Variants in CHD5 observed in about 807,000 individuals in gnomAD.
CHD5 encodes the protein ATP-dependent chromatin remodeler CHD5.
In CHD5, 69 loss-of-function variants were observed where a neutral mutation model predicts 230.3. The ratio of observed to expected loss-of-function variants is 0.30; its 90% CI spans 0.25 to 0.37. The LOEUF (loss-of-function observed/expected upper bound fraction) is 0.37. Among genes scored for constraint, CHD5 ranks in the 10% least tolerant of loss-of-function variants. CHD5 has a pLI of 1.00. For missense variants in CHD5, 1,827 were observed against 2,622.8 expected (o/e 0.70, Z 6.63); for synonymous variants, 1,064 against 1,065.9 (o/e 1.00, Z 0.03).
Position 6,118,356 on chromosome 1 carries a change from G to A in CHD5, c.4912+2749C>T, listed in dbSNP as rs187240040. 1.4e-3 allele frequency among the ~76,000 whole-genome samples: 211 copies of A among 147,552 alleles called. 1 individual carries two copies. The highest frequency in any genetic ancestry group is 2.8e-3 in the Non-Finnish European group (186 of 67,280). On this transcript the variant is annotated intron_variant, in intron 33 of 41. Transcript: ENST00000262450. ...ATCATGCCACTGCACTCCAGCCTGG[G>A]TGATAGAGCAAGACCCTGTCTCAAA... is the stretch of plus-strand genomic sequence containing the variant.
chr1:6,124,009 G>A lies in CHD5; in HGVS notation c.4638C>T (p.Asp1546=). 1 of 1,612,294 alleles carries A rather than the reference G, an allele frequency of 6.2e-7. No homozygotes were observed. The highest frequency in any genetic ancestry group is 8.5e-7 in the Non-Finnish European group (1 of 1,179,560). The change falls in exon 31 of 42, where the codon GAC becomes GAT. Residue 1546 remains aspartate (D), a synonymous_variant. Coordinates refer to ENST00000262450, the MANE Select transcript of CHD5 (RefSeq NM_015557.3). ...GKKSGEVISS[D]PNTPVPASPA... ...GGCTGGCGGGCACTGGTGTGTTGGG[G>A]TCCGAGGAGATCACCTCGCCCGACT...
intron 35 of CHD5, 43 bp from the exon 36 acceptor site, chr1:6,111,926 C>T: frequency 6.4e-7 from 1 of 1,566,258 alleles, no homozygotes; most frequent in Non-Finnish European, 8.8e-7. Context: ...AGTGCCCCAG[C>T]TCTCACGCAC....
At chr1:6,109,332 G>A (rs2100830403) in intron 38 of CHD5, among the ~76,000 whole-genome samples, 1 of 152,314 alleles carries the variant, frequency 6.6e-6, no homozygotes, top group South Asian at 2.1e-4. Context: ...CCCGAGGGCA[G>A]AAGTGTGCCC....
At position 6,146,371 on chromosome 1, in the gene CHD5, A is replaced by T; in HGVS notation, c.1643T>A (p.Met548Lys). 1 of 1,614,070 alleles carries T rather than the reference A, an allele frequency of 6.2e-7. No homozygotes were observed. The highest frequency in any genetic ancestry group is 8.5e-7 in the Non-Finnish European group (1 of 1,180,008). The stretch of plus-strand genomic sequence containing the variant: ...GTAGTCAAAGGGGGGCGGCTCATCC[A>T]TGTCGTTCTTTCTTTGGTAGTTGCG... ...MYRNYQRKND[M>K]DEPPPFDYGS... Residue 548 changes from methionine to lysine, a missense_variant, in exon 11 of 42, where the codon ATG (methionine) becomes AAG (lysine). Physicochemically the swap from Met to Lys is moderately conservative, Grantham distance 95. Transcript: ENST00000262450. This position sits in a 1 kb window ranked among gnomAD's most constrained non-coding sequence, Gnocchi z 5.1.
intron 1 of CHD5, among the ~76,000 whole-genome samples, chr1:6,170,824 G>A (rs1278735924): frequency 2.0e-5 from 3 of 152,224 alleles, no homozygotes; most frequent in African/African-American, 4.8e-5. Flanking sequence ...TCGTCCTGCA[G>A]AGCAGGTGTC....
chr1:6,146,910 G>T lies in CHD5; in HGVS notation c.1384-39C>A, dbSNP rs1165990315. On this transcript the variant is annotated intron_variant, in intron 9 of 41. Coordinates refer to ENST00000262450, the MANE Select transcript of CHD5 (RefSeq NM_015557.3). The surrounding 1 kb of genome is among the most constrained non-coding windows in gnomAD (Gnocchi z 5.1). ...AGGGTCCCCAAGGTGGGGCTCAGCT[G>T]CAGGGCCCCACCCTGAGGCTCCCAT... 2 of 1,427,102 alleles carry T rather than the reference G, an allele frequency of 1.4e-6. No individual in the cohort carries two copies. Among genetic ancestry groups the T allele is most frequent in the Non-Finnish European group, 1.9e-6 (2 of 1,076,348 alleles). The allele number at this position is 1,427,102 out of a possible 1,614,324, so 88.4% of individuals were successfully genotyped here.
Position 6,121,426 on chromosome 1 carries a change from G to T in CHD5, c.4779+68C>A. 1 of 1,511,264 alleles carries T rather than the reference G, an allele frequency of 6.6e-7. No homozygotes were observed. The highest frequency in any genetic ancestry group is 1.2e-5 in the South Asian group (1 of 86,182). 93.6% of individuals were successfully genotyped at this position (1,511,264 alleles called of 1,614,324 possible). A position where few individuals can be genotyped will look rare whatever the true frequency, so the allele number is the denominator to read the frequency against. ...GGTTCCACCTCGCTGTACAGGGCCT[G>T]AGAAGGTCCCCAGACCCAACCTCCA... On this transcript the variant is annotated intron_variant, in intron 32 of 41. Transcript: ENST00000262450. This position sits in a 1 kb window ranked among gnomAD's most constrained non-coding sequence, Gnocchi z 4.5.
In CHD5 at chr1:6,179,670, G is replaced by A. The variant is rs568141914; in HGVS notation, c.79+275C>T. Among the ~76,000 whole-genome samples the A allele has an allele frequency of 1.1e-3, 170 of 149,062 alleles. 1 individual carries two copies. The highest frequency in any genetic ancestry group is 3.9e-3 in the African/African-American group (161 of 41,218). ...CGCCCCCCAGCGCAGGCCCCGGCCC[G>A]CGGTCCTCTGGCCCGCCTGGCCCGC... is the stretch of plus-strand genomic sequence containing the variant. On this transcript the variant is annotated intron_variant, in intron 1 of 41. Coordinates refer to ENST00000262450, the MANE Select transcript of CHD5 (RefSeq NM_015557.3).
chr1:6,128,573 A>G lies in CHD5; in HGVS notation c.3656T>C (p.Ile1219Thr), dbSNP rs1666601438. Residue 1219 changes from isoleucine (I) to threonine (T), a missense_variant, in exon 24 of 42, where the codon ATC becomes ACC. By Grantham distance (89) the Ile-to-Thr change is moderately conservative. Transcript: ENST00000262450. The surrounding 1 kb of genome is among the most constrained non-coding windows in gnomAD (Gnocchi z 7.8). Reference protein sequence around the residue: ...MSQGQRPVTPIPDVQSSKGGN... With the variant: ...MSQGQRPVTPTPDVQSSKGGN... ...CCCTTTGGAGGACTGGACATCAGGG[A>G]TGGGTGTGACCGGCCTCTGGCCCTG... The G allele has an allele frequency of 6.2e-7, 1 of 1,614,096 alleles. No homozygotes were observed. The highest frequency in any genetic ancestry group is 1.1e-5 in the South Asian group (1 of 91,080).
chr1:6,107,368 G>A (rs1326964285), intron 38 of CHD5, among the ~76,000 whole-genome samples: 4 of 129,066 alleles, frequency 3.1e-5, no homozygotes, highest in Non-Finnish European at 6.4e-5. Context: ...AAGGAATGAT[G>A]GAGAGATGGA....
At position 6,168,274 on chromosome 1, in the gene CHD5, T is replaced by C; in HGVS notation, c.83A>G (p.Glu28Gly). 1 of 1,592,670 alleles carries C rather than the reference T, an allele frequency of 6.3e-7. No homozygotes were observed. The highest frequency in any genetic ancestry group is 8.6e-7 in the Non-Finnish European group (1 of 1,163,986). Residue 28 changes from glutamate to glycine, a missense_variant, in exon 2 of 42, where the codon GAA (glutamate) becomes GGA (glycine). Physicochemically the swap from Glu to Gly is moderately conservative, Grantham distance 98. This residue lies in a region of CHD5 where 113 missense variants were observed against 91.9 expected (regional missense o/e 1.23). Coordinates refer to ENST00000262450, the MANE Select transcript of CHD5 (RefSeq NM_015557.3). ...EMENEDEMSEEEDGGLEAFDD... is the reference protein window; with the variant it reads ...EMENEDEMSEGEDGGLEAFDD... ...GAAGGCTTCAAGACCACCATCTTCT[T>C]CTTCTGGAAAAATCAGAAGGTGGCA...
At chr1:6,115,576 C>T (rs116737399) in intron 33 of CHD5, among the ~76,000 whole-genome samples, 42 of 152,322 alleles carry the variant, frequency 2.8e-4, no homozygotes, top group Non-Finnish European at 5.7e-4. Flanking sequence ...ACACACGAGG[C>T]TACATGGCAG....
chr1:6,133,407 G>A (rs576123330), intron 20 of CHD5, among the ~76,000 whole-genome samples: 1 of 152,344 alleles, frequency 6.6e-6, no homozygotes, highest in South Asian at 2.1e-4. Context: ...TGCAGGCGGC[G>A]GACGCTGCTT....
rs746871078 is a variant in CHD5 at position 6,125,102 on chromosome 1, A to C, written c.4392T>G (p.Phe1464Leu). ...RDLRGKSEKEFRAYVSLFMRH... is the reference protein window; with the variant it reads ...RDLRGKSEKELRAYVSLFMRH... ...GGGCCACCACCTAGCCCCTTTACCT[A>C]AACTCCTTCTCGCTCTTCCCTCGAA... The change falls in exon 29 of 42, where the codon TTT (phenylalanine) becomes TTG (leucine). Residue 1464 changes from phenylalanine to leucine, a missense_variant and splice_region_variant. By Grantham distance (22) the Phe-to-Leu change is conservative (BLOSUM62 0). Transcript: ENST00000262450. The surrounding 1 kb of genome is among the most constrained non-coding windows in gnomAD (Gnocchi z 6.7). 1.3e-6 allele frequency: 2 copies of C among 1,586,420 alleles called. No homozygotes were observed. Among genetic ancestry groups the C allele is most frequent in the Admixed American group, 1.8e-5 (1 of 56,096 alleles).
chr1:6,148,003 C>G (rs559879347), intron 9 of CHD5, among the ~76,000 whole-genome samples: 14 of 151,898 alleles, frequency 9.2e-5, no homozygotes, highest in African/African-American at 3.1e-4. Context: ...GCCCCCCTCC[C>G]ATCCCCAGGG....
intron 38 of CHD5, among the ~76,000 whole-genome samples, chr1:6,107,994 G>T: frequency 7.8e-6 from 1 of 127,838 alleles, no homozygotes; most frequent in South Asian, 2.9e-4. Flanking sequence ...GGAGAGATGG[G>T]GGATGGAGGG....
rs1666556418 is a variant in CHD5, at chr1:6,126,273, A to G, written c.4078+299T>C. ...CCTCCCGGGGGGGTCCTGCACAGGG[A>G]TGCCCCAACAGAATCCTGCCCCACC... On this transcript the variant is annotated intron_variant, in intron 26 of 41. Coordinates refer to ENST00000262450, the MANE Select transcript of CHD5 (RefSeq NM_015557.3). The surrounding 1 kb of genome is among the most constrained non-coding windows in gnomAD (Gnocchi z 5.7). Among the ~76,000 whole-genome samples, 1 of 151,504 alleles carries G rather than the reference A, an allele frequency of 6.6e-6. No individual in the cohort carries two copies. The highest frequency in any genetic ancestry group is 2.4e-5 in the African/African-American group (1 of 41,126).
chr1:6,121,720 TC>T lies in CHD5; in HGVS notation c.4700-148del, dbSNP rs554209368. On this transcript the variant is annotated intron_variant, in intron 31 of 41. Transcript: ENST00000262450. This position sits in a 1 kb window ranked among gnomAD's most constrained non-coding sequence, Gnocchi z 4.5. ...GCACCTCCAGGAGAGACAAGCAGGA[TC>T]CCCGGCTAAGTCAGAGAGGCCAGGC... 522 of 613,810 alleles carry T rather than the reference TC, an allele frequency of 8.5e-4. 13 individuals carry two copies. The South Asian group carries it at 1.0e-2, about 12-fold the overall frequency. The allele number at this position is 613,810 out of a possible 1,614,324, so 38.0% of individuals were successfully genotyped here.
rs1046773276 is a variant in CHD5, at chr1:6,134,232, A to G, written c.3040T>C (p.Tyr1014His). ...GACTTGACCAGGGAGCTTCCATCGT[A>G]GGAGCCATTGGGCAAGACAGGGGCC... ...VEAPVLPNGS[Y>H]DGSSLVKSSG... Residue 1014 changes from tyrosine to histidine, a missense_variant, in exon 20 of 42, where the codon TAC becomes CAC. Tyr to His is a moderately conservative substitution (Grantham distance 83). Transcript: ENST00000262450. The surrounding 1 kb of genome is among the most constrained non-coding windows in gnomAD (Gnocchi z 6.3). 3.1e-6 allele frequency: 5 copies of G among 1,613,712 alleles called. No homozygotes were observed. The highest frequency in any genetic ancestry group is 4.2e-6 in the Non-Finnish European group (5 of 1,179,992).
Sources: gnomAD v4.1 joint callset for allele counts (sites outside exome capture counted in the v4.1 genomes callset) on GRCh38, gnomAD v4.1.1 for gene constraint, gnomAD v4.1.1 regional missense constraint, Gnocchi (gnomAD v3.1) non-coding constraint, MANE v1.5 for transcripts, NCBI Gene and HGNC (gene_info 2026-07-23, HGNC 2026-07-21) for gene names.